Variants in DCLK1 observed in about 807,000 individuals in gnomAD.
DCLK1 encodes serine/threonine-protein kinase DCLK1.
DCLK1 carries 16 observed loss-of-function variants against 86.2 expected under a neutral mutation model. The ratio of observed to expected loss-of-function variants is 0.19; its 90% CI spans 0.13 to 0.28. The LOEUF is 0.28. Ranked by LOEUF, DCLK1 falls within the 10% of genes least tolerant of loss-of-function variation. The probability of loss-of-function intolerance (pLI) is 1.00; values close to 1 mark genes in which losing one functional copy is unlikely to be tolerated. For synonymous variants in DCLK1, 369 were observed against 370.5 expected (o/e 1.00, Z 0.05); for missense variants, 590 against 940.2 (o/e 0.63, Z 4.87).
intron 4 of DCLK1, among the ~76,000 whole-genome samples, chr13:35,919,956 C>T (rs1005994138): frequency 2.2e-4 from 34 of 151,858 alleles, no homozygotes; most frequent in African/African-American, 7.5e-4. Context: ...AAAGTGCTTA[C>T]GACACAGCCG....
intron 3 of DCLK1, among the ~76,000 whole-genome samples, chr13:36,056,906 A>AAAAATATAT (rs4054844): frequency 5.4e-5 from 7 of 130,164 alleles, no homozygotes; most frequent in Admixed American, 1.7e-4. Context: ...AAAAAAAAAA[A>AAAAATATAT]ATATATATAT....
At chr13:35,991,991 AT>A (rs1484247627) in intron 3 of DCLK1, among the ~76,000 whole-genome samples, 1 of 152,206 alleles carries the variant, frequency 6.6e-6, no homozygotes, top group African/African-American at 2.4e-5. Context: ...TAAATGACAT[AT>A]TTAATTATAA....
chr13:35,966,817 C>T (rs908398824), intron 3 of DCLK1, among the ~76,000 whole-genome samples: 1 of 151,970 alleles, frequency 6.6e-6, no homozygotes, highest in Admixed American at 6.5e-5. Flanking sequence ...TCAATGTTGC[C>T]CAGGCTGGAG....
chr13:35,976,249 A>G (rs1228185538), intron 3 of DCLK1, among the ~76,000 whole-genome samples: 1 of 152,246 alleles, frequency 6.6e-6, no homozygotes, highest in East Asian at 1.9e-4. Context: ...GGGCGTGGGC[A>G]AGTAAGGAAG....
chr13:36,106,867 G>T (rs2138178010), intron 3 of DCLK1, among the ~76,000 whole-genome samples: 1 of 152,212 alleles, frequency 6.6e-6, no homozygotes, highest in African/African-American at 2.4e-5. Context: ...TAACTTGTAA[G>T]AGGAAGACAT....
chr13:35,819,402 GA>G (rs1330573556), intron 11 of DCLK1, among the ~76,000 whole-genome samples: 1 of 151,858 alleles, frequency 6.6e-6, no homozygotes, highest in Admixed American at 6.6e-5. Flanking sequence ...TGTTCTATAA[GA>G]ATTAAAAATA....
chr13:35,788,336 A>G (rs369213930), intron 16 of DCLK1: 123 of 1,547,218 alleles, frequency 7.9e-5, no homozygotes, highest in Non-Finnish European at 9.5e-5. Flanking sequence ...GTGCTAAAGA[A>G]TTAAGACTCC....
chr13:35,985,391 CAAAA>C (rs139242465), intron 3 of DCLK1, among the ~76,000 whole-genome samples: 2 of 139,516 alleles, frequency 1.4e-5, no homozygotes, highest in Non-Finnish European at 3.2e-5. Flanking sequence ...AACAAACAAA[CAAAA>C]AAAAAAAATT....
At chr13:36,007,501 G>C (rs984740191) in intron 3 of DCLK1, among the ~76,000 whole-genome samples, 3 of 152,144 alleles carry the variant, frequency 2.0e-5, no homozygotes, top group Non-Finnish European at 2.9e-5. Context: ...AAAATATCTT[G>C]GGGTTGTGAG....
intron 11 of DCLK1, among the ~76,000 whole-genome samples, chr13:35,821,578 G>T (rs1233672298): frequency 6.6e-6 from 1 of 151,832 alleles, no homozygotes; most frequent in Non-Finnish European, 1.5e-5. Flanking sequence ...GACGGGCAAA[G>T]TAACAGAACT....
intron 11 of DCLK1, among the ~76,000 whole-genome samples, chr13:35,819,537 A>C (rs1417501219): frequency 6.6e-6 from 1 of 152,226 alleles, no homozygotes; most frequent in East Asian, 1.9e-4. Context: ...TTAGCTAACA[A>C]AAATCTTGTT....
chr13:36,079,702 T>C (rs2138108490), intron 3 of DCLK1, among the ~76,000 whole-genome samples: 1 of 152,266 alleles, frequency 6.6e-6, no homozygotes, highest in East Asian at 1.9e-4. Flanking sequence ...TCAGGAATAT[T>C]CTGTTTCTTA....
chr13:36,111,665 G>T (rs778823360), intron 3 of DCLK1, among the ~76,000 whole-genome samples: 2 of 152,142 alleles, frequency 1.3e-5, no homozygotes, highest in Admixed American at 6.6e-5. Context: ...TCAAAGATAT[G>T]CATTTTTTTC....
At chr13:36,100,348 T>C (rs1441159524) in intron 3 of DCLK1, among the ~76,000 whole-genome samples, 3 of 152,006 alleles carry the variant, frequency 2.0e-5, no homozygotes, top group African/African-American at 7.3e-5. Flanking sequence ...CACTGTACTC[T>C]AGCCTGGGTG....
intron 3 of DCLK1, among the ~76,000 whole-genome samples, chr13:36,110,574 T>A (rs1885574994): frequency 6.6e-6 from 1 of 152,202 alleles, no homozygotes; most frequent in Non-Finnish European, 1.5e-5. Flanking sequence ...TTCAGAAAGT[T>A]TGAATGCGCT....
intron 11 of DCLK1, among the ~76,000 whole-genome samples, chr13:35,820,471 G>A (rs143282515): frequency 7.2e-4 from 109 of 152,180 alleles, no homozygotes; most frequent in Admixed American, 1.9e-3. Flanking sequence ...GAAGTATCAC[G>A]TAAACTGTAA....
At chr13:35,860,397 C>G (rs1009632704) in intron 5 of DCLK1, among the ~76,000 whole-genome samples, 1 of 151,870 alleles carries the variant, frequency 6.6e-6, no homozygotes, top group Non-Finnish European at 1.5e-5. Flanking sequence ...CGTACTTTTT[C>G]CCTAATTTTA....
intron 6 of DCLK1, among the ~76,000 whole-genome samples, chr13:35,841,155 G>A (rs1272047006): frequency 1.3e-5 from 2 of 152,176 alleles, no homozygotes; most frequent in Non-Finnish European, 2.9e-5. Flanking sequence ...AGGCTAGCAG[G>A]TGCTGCCTTG....
At chr13:36,018,567 TG>T (rs1483708843) in intron 3 of DCLK1, among the ~76,000 whole-genome samples, 24 of 152,184 alleles carry the variant, frequency 1.6e-4, no homozygotes, top group Non-Finnish European at 2.6e-4. Flanking sequence ...TGAATCAAAA[TG>T]TATGCTTCTT....
Sources: allele counts gnomAD v4.1 joint callset (sites outside exome capture counted in the v4.1 genomes callset), GRCh38; gene constraint gnomAD v4.1.1; transcripts MANE v1.5; gene names NCBI Gene and HGNC (gene_info 2026-07-23, HGNC 2026-07-21).